ITPR1: variants seen among roughly 807,000 people sequenced by gnomAD.
The protein encoded by ITPR1 is inositol 1,4,5-trisphosphate receptor type 1.
Under a neutral mutation model 318.4 loss-of-function variants are expected in ITPR1, and 96 were observed. That is an observed-to-expected ratio of 0.30 (90% confidence interval 0.26 to 0.36). The LOEUF is 0.36. Among genes scored for constraint, ITPR1 ranks in the 10% least tolerant of loss-of-function variants. The pLI, the probability that ITPR1 is intolerant of heterozygous loss-of-function variation, is 1.00. For synonymous variants in ITPR1, 1,312 were observed against 1,289.9 expected (o/e 1.02, Z -0.37); for missense variants, 2,440 against 3,460.2 (o/e 0.71, Z 7.40).
At chr3:4,639,347 TTCC>T in intron 5 of ITPR1, 34 bp from the exon 6 acceptor site, 1 of 1,469,322 alleles carries the variant, frequency 6.8e-7, no homozygotes, top group South Asian at 1.2e-5. Flanking sequence ...AACACATGGT[TTCC>T]TCTTTGTGAT....
intron 42 of ITPR1, among the ~76,000 whole-genome samples, chr3:4,731,497 T>C (rs1575050429): frequency 6.6e-6 from 1 of 152,222 alleles, no homozygotes; most frequent in African/African-American, 2.4e-5. Context: ...TGCTGAACTA[T>C]GAAGAGAGGC....
At chr3:4,753,206 C>T (rs1489086537) in intron 44 of ITPR1, among the ~76,000 whole-genome samples, 2 of 151,852 alleles carry the variant, frequency 1.3e-5, no homozygotes, top group African/African-American at 2.4e-5. Flanking sequence ...GGCAGAGCTG[C>T]GGAAAGTATC....
intron 4 of ITPR1, among the ~76,000 whole-genome samples, chr3:4,579,762 G>T (rs557587778): frequency 1.3e-5 from 2 of 152,280 alleles, no homozygotes; most frequent in South Asian, 4.2e-4. Flanking sequence ...TCTTTCTGGT[G>T]CTGTTTGAAT....
chr3:4,604,991 G>C (rs529523779), intron 4 of ITPR1, among the ~76,000 whole-genome samples: 12 of 152,024 alleles, frequency 7.9e-5, no homozygotes, highest in African/African-American at 2.7e-4. Flanking sequence ...TGGGTGGGGG[G>C]GATGGAGTCT....
chr3:4,723,097 G>A (rs931360487), intron 40 of ITPR1, among the ~76,000 whole-genome samples: 6 of 152,182 alleles, frequency 3.9e-5, no homozygotes, highest in African/African-American at 1.2e-4. Flanking sequence ...GCAGTGAGCC[G>A]AGATCATGCC....
At chr3:4,527,518 T>A (rs1289090787) in intron 4 of ITPR1, among the ~76,000 whole-genome samples, 1 of 152,140 alleles carries the variant, frequency 6.6e-6, no homozygotes, top group Non-Finnish European at 1.5e-5. Flanking sequence ...AGCTGTGGGA[T>A]GCGCAGTATG....
chr3:4,794,966 T>C, intron 52 of ITPR1, 99 bp from the exon 53 acceptor site: 5 of 1,335,246 alleles, frequency 3.7e-6, no homozygotes, highest in Non-Finnish European at 5.0e-6. Flanking sequence ...GGAACAAAAG[T>C]GGACTTGTGG....
chr3:4,615,261 A>G (rs1043775886), intron 4 of ITPR1, among the ~76,000 whole-genome samples: 32 of 152,174 alleles, frequency 2.1e-4, no homozygotes, highest in Admixed American at 9.8e-4. Context: ...AGAGCATCTG[A>G]ACAACTAAGT....
intron 33 of ITPR1, among the ~76,000 whole-genome samples, chr3:4,694,129 A>G (rs2094520605): frequency 6.6e-6 from 1 of 152,028 alleles, no homozygotes; most frequent in African/African-American, 2.4e-5. Context: ...AAAAACCCTT[A>G]TTACAGAAAT....
chr3:4,605,483 G>A (rs554282898), intron 4 of ITPR1, among the ~76,000 whole-genome samples: 7 of 152,276 alleles, frequency 4.6e-5, no homozygotes, highest in African/African-American at 1.7e-4. Flanking sequence ...TGCTGAAGTT[G>A]ATAGTAGTGC....
intron 4 of ITPR1, among the ~76,000 whole-genome samples, chr3:4,554,413 AC>A (rs2085907294): frequency 6.6e-6 from 1 of 152,238 alleles, no homozygotes; most frequent in African/African-American, 2.4e-5. Flanking sequence ...TCTGGTAATT[AC>A]GTGTATTGGC....
chr3:4,779,516 T>A lies in ITPR1; in HGVS notation c.6292-34T>A, dbSNP rs755605495. 1 of 1,554,212 alleles carries A rather than the reference T, an allele frequency of 6.4e-7. No individual in the cohort carries two copies. ...TCAGGCCGGGCCCCCAAGCAGCCCC[T>A]CTACATTTCCTCTCCCTTTGTTTCT... On this transcript the variant is annotated intron_variant, in intron 48 of 61. Coordinates refer to ENST00000649015, the MANE Select transcript of ITPR1 (RefSeq NM_001378452.1). The surrounding 1 kb of genome is among the most constrained non-coding windows in gnomAD (Gnocchi z 4.0).
intron 26 of ITPR1, among the ~76,000 whole-genome samples, chr3:4,682,320 G>A (rs1234932019): frequency 3.3e-5 from 5 of 152,190 alleles, no homozygotes; most frequent in Admixed American, 1.3e-4. Context: ...TTTACAGCAC[G>A]GTGGCTGACT....
intron 53 of ITPR1, chr3:4,800,183 G>A: frequency 2.0e-6 from 1 of 511,866 alleles, no homozygotes; most frequent in Non-Finnish European, 3.4e-6. Flanking sequence ...TAATGTCAAA[G>A]CTAAGACCTG....
At chr3:4,841,161 G>A (rs181067412) in intron 61 of ITPR1, among the ~76,000 whole-genome samples, 5 of 152,284 alleles carry the variant, frequency 3.3e-5, no homozygotes, top group Admixed American at 2.6e-4. Flanking sequence ...GTCAACATCT[G>A]CCCTCTAGAT....
intron 41 of ITPR1, among the ~76,000 whole-genome samples, chr3:4,726,837 T>C (rs760475556): frequency 1.3e-5 from 2 of 152,242 alleles, no homozygotes; most frequent in Non-Finnish European, 2.9e-5. Flanking sequence ...GCATATAATA[T>C]AGAACTTCTT....
intron 53 of ITPR1, among the ~76,000 whole-genome samples, chr3:4,797,104 G>A (rs1158985654): frequency 6.6e-6 from 1 of 151,792 alleles, no homozygotes; most frequent in African/African-American, 2.4e-5. Context: ...TCATGCTGAG[G>A]GACTAAACTG....
intron 44 of ITPR1, among the ~76,000 whole-genome samples, chr3:4,737,841 A>T (rs1221378953): frequency 6.6e-6 from 1 of 151,882 alleles, no homozygotes; most frequent in Non-Finnish European, 1.5e-5. Context: ...AACATATTCG[A>T]CCTCTTTGTT....
intron 5 of ITPR1, among the ~76,000 whole-genome samples, chr3:4,632,198 T>C: frequency 6.6e-6 from 1 of 152,202 alleles, no homozygotes; most frequent in South Asian, 2.1e-4. Flanking sequence ...GTCCTGCATG[T>C]ATGTATATTT....
Sources: gnomAD v4.1 joint callset for allele counts (sites outside exome capture counted in the v4.1 genomes callset) on GRCh38, gnomAD v4.1.1 for gene constraint, Gnocchi (gnomAD v3.1) non-coding constraint, MANE v1.5 for transcripts, NCBI Gene and HGNC (gene_info 2026-07-23, HGNC 2026-07-21) for gene names.